The following CACNB2 variants were observed in gnomAD, a reference collection of about 807,000 sequenced individuals.
CACNB2 encodes the protein voltage-dependent L-type calcium channel subunit beta-2.
CACNB2 carries 42 observed loss-of-function variants against 73.3 expected under a neutral mutation model. The ratio of observed to expected loss-of-function variants is 0.57; its 90% CI spans 0.45 to 0.74. The LOEUF (loss-of-function observed/expected upper bound fraction) is 0.74. CACNB2 is among the 30% of genes least tolerant of loss of function. The pLI is 0.00. For synonymous variants in CACNB2, 348 were observed against 310.3 expected, an observed-to-expected ratio of 1.12 and a Z score of -1.28; for missense variants, 940 against 853.0, an observed-to-expected ratio of 1.10 and a Z score of -1.27.
At chr10:18,261,244 C>G in intron 2 of CACNB2, 1 of 1,550,812 alleles carries the variant, frequency 6.4e-7, no homozygotes, top group Non-Finnish European at 8.7e-7. Context: ...TGAAGCCACA[C>G]GCTGACTGCG....
At chr10:18,493,350 T>C (rs1241756955) in intron 3 of CACNB2, among the ~76,000 whole-genome samples, 1 of 152,168 alleles carries the variant, frequency 6.6e-6, no homozygotes, top group Non-Finnish European at 1.5e-5. Context: ...GTATTTTTAG[T>C]AGAGACGTGG....
At chr10:18,421,433 G>A (rs983753028) in intron 3 of CACNB2, among the ~76,000 whole-genome samples, 4 of 151,870 alleles carry the variant, frequency 2.6e-5, no homozygotes, top group African/African-American at 9.7e-5. Context: ...GAGTAGCTGG[G>A]ATTACAGGAA....
rs1277489662 is a variant in CACNB2 at position 18,540,043 on chromosome 10, G to A, written c.*319G>A. ...AGGTGATGTTAGTGTTTTAAGAAAT[G>A]TAGTTGATGTATCCAACAAGCCAGA... On this transcript the variant is annotated 3_prime_UTR_variant, in exon 14 of 14. Coordinates refer to ENST00000324631, the MANE Select transcript of CACNB2 (RefSeq NM_201596.3). 1 of 283,246 alleles carries A rather than the reference G, an allele frequency of 3.5e-6. No homozygotes were observed. Among genetic ancestry groups the A allele is most frequent in the Non-Finnish European group, 6.7e-6 (1 of 148,816 alleles). 17.5% of individuals were successfully genotyped at this position (283,246 alleles called of 1,614,324 possible). A position where few individuals can be genotyped will look rare whatever the true frequency, so the allele number is the denominator to read the frequency against.
chr10:18,216,362 G>A (rs1025861441), intron 2 of CACNB2, among the ~76,000 whole-genome samples: 8 of 152,092 alleles, frequency 5.3e-5, no homozygotes, highest in African/African-American at 1.9e-4. Flanking sequence ...AGATTCTTGA[G>A]TATAAGCACT....
chr10:18,182,934 A>C (rs899838210), intron 2 of CACNB2, among the ~76,000 whole-genome samples: 13 of 152,214 alleles, frequency 8.5e-5, no homozygotes, highest in Admixed American at 3.9e-4. Flanking sequence ...ACACTCATGC[A>C]TATGTAATTA....
intron 3 of CACNB2, among the ~76,000 whole-genome samples, chr10:18,471,294 G>A (rs1418231322): frequency 6.6e-6 from 1 of 152,092 alleles, no homozygotes; most frequent in East Asian, 1.9e-4. Flanking sequence ...CAACAAGAGT[G>A]AAACTCCATC....
chr10:18,509,604 G>A (rs920579821), intron 6 of CACNB2, among the ~76,000 whole-genome samples: 1 of 152,050 alleles, frequency 6.6e-6, no homozygotes, highest in Admixed American at 6.6e-5. Context: ...TTCAAGACCA[G>A]CCTGGACAAT....
At chr10:18,499,349 G>A (rs749263670) in intron 4 of CACNB2, among the ~76,000 whole-genome samples, 11 of 152,160 alleles carry the variant, frequency 7.2e-5, no homozygotes, top group Admixed American at 4.6e-4. Context: ...TGGGCCCGGT[G>A]GCTCATGCCT....
chr10:18,382,169 C>T lies in CACNB2; in HGVS notation c.214-19755C>T, dbSNP rs549876919. On this transcript the variant is annotated intron_variant, in intron 2 of 13. Transcript: ENST00000324631. Reference sequence around the variant, plus strand: ...CTTAAATATAGCAAAATTACAGCAACAATAATAATAAAATATACTTGCTCA... The same window carrying T: ...CTTAAATATAGCAAAATTACAGCAATAATAATAATAAAATATACTTGCTCA... 4.5e-4 allele frequency among the ~76,000 whole-genome samples: 68 copies of T among 152,050 alleles called. 1 individual carries two copies. In the South Asian group the frequency reaches 0.014, roughly 31 times the overall value.
At chr10:18,351,708 C>A (rs1476216196) in intron 2 of CACNB2, among the ~76,000 whole-genome samples, 2 of 152,160 alleles carry the variant, frequency 1.3e-5, no homozygotes, top group Non-Finnish European at 1.5e-5. Context: ...GAATTGAGTT[C>A]AGCATAATAA....
At chr10:18,441,881 A>T (rs2046426271) in intron 3 of CACNB2, among the ~76,000 whole-genome samples, 1 of 152,228 alleles carries the variant, frequency 6.6e-6, no homozygotes, top group Admixed American at 6.5e-5. Flanking sequence ...TTGGCCTCCC[A>T]AAATGTTGGG....
chr10:18,234,529 T>A (rs1409186830), intron 2 of CACNB2, among the ~76,000 whole-genome samples: 1 of 152,212 alleles, frequency 6.6e-6, no homozygotes, highest in Non-Finnish European at 1.5e-5. Context: ...CAAATCGTGG[T>A]CTGTACATAC....
At chr10:18,333,637 A>G (rs2040889710) in intron 2 of CACNB2, among the ~76,000 whole-genome samples, 3 of 152,226 alleles carry the variant, frequency 2.0e-5, no homozygotes, top group African/African-American at 2.4e-5. Context: ...CACACACACT[A>G]GAGTTTTGTT....
At chr10:18,349,797 A>G (rs1476969837) in intron 2 of CACNB2, among the ~76,000 whole-genome samples, 1 of 152,168 alleles carries the variant, frequency 6.6e-6, no homozygotes, top group East Asian at 1.9e-4. Context: ...ATTCAATGCC[A>G]TTGAACTGTA....
intron 2 of CACNB2, among the ~76,000 whole-genome samples, chr10:18,205,312 CAT>C (rs1449593537): frequency 6.6e-6 from 1 of 152,134 alleles, no homozygotes; most frequent in Non-Finnish European, 1.5e-5. Context: ...ATACCTAACT[CAT>C]ATAGTTATTG....
intron 1 of CACNB2, among the ~76,000 whole-genome samples, chr10:18,145,026 C>T (rs1355235382): frequency 2.0e-5 from 3 of 152,174 alleles, no homozygotes; most frequent in Non-Finnish European, 4.4e-5. Flanking sequence ...CACTCTAGGC[C>T]TCAGAGAGAT....
rs149072424 is a variant in CACNB2 at position 18,180,256 on chromosome 10, T to A, written c.213+29281T>A. 5.3e-3 allele frequency among the ~76,000 whole-genome samples: 806 copies of A among 152,246 alleles called. 5 individuals carry two copies. Among genetic ancestry groups the A allele is most frequent in the Non-Finnish European group, 7.9e-3 (536 of 68,014 alleles). The stretch of plus-strand genomic sequence containing the variant: ...ACATACCGCACATCACTCTGGCTTC[T>A]CTGCAACAGACAGAGGGGTGGTCTA... On this transcript the variant is annotated intron_variant, in intron 2 of 13. Transcript: ENST00000324631.
intron 12 of CACNB2, among the ~76,000 whole-genome samples, chr10:18,536,743 G>A (rs761708940): frequency 2.6e-5 from 4 of 152,148 alleles, no homozygotes; most frequent in Admixed American, 6.5e-5. Context: ...ACATCCTGCA[G>A]TAACTTCACT....
At chr10:18,413,133 G>T (rs904640209) in intron 3 of CACNB2, among the ~76,000 whole-genome samples, 9 of 152,112 alleles carry the variant, frequency 5.9e-5, no homozygotes, top group African/African-American at 1.9e-4. Flanking sequence ...ATCACACCCA[G>T]GTAATTTTTT....
Sources: allele counts gnomAD v4.1 joint callset (sites outside exome capture counted in the v4.1 genomes callset), GRCh38; gene constraint gnomAD v4.1.1; transcripts MANE v1.5; gene names NCBI Gene and HGNC (gene_info 2026-07-23, HGNC 2026-07-21).